Variants in PPM1L observed in about 807,000 individuals in gnomAD.
PPM1L encodes protein phosphatase 1L.
PPM1L carries 13 observed loss-of-function variants against 31.4 expected under a neutral mutation model. The observed-to-expected ratio is 0.41, with a 90% CI of 0.27 to 0.66. The LOEUF is 0.66. PPM1L is among the 30% of genes least tolerant of loss of function. The pLI is 0.29. For missense variants in PPM1L, 326 were observed against 453.7 expected, an observed-to-expected ratio of 0.72 and a Z score of 2.56; for synonymous variants, 184 against 175.4, an observed-to-expected ratio of 1.05 and a Z score of -0.39.
intron 1 of PPM1L, among the ~76,000 whole-genome samples, chr3:160,960,404 C>T (rs901593894): frequency 2.0e-5 from 3 of 151,952 alleles, no homozygotes; most frequent in African/African-American, 4.8e-5. Context: ...TTGTAATATA[C>T]GACACCTTAC....
chr3:160,906,997 C>A (rs1411435741), intron 1 of PPM1L, among the ~76,000 whole-genome samples: 1 of 152,156 alleles, frequency 6.6e-6, no homozygotes, highest in African/African-American at 2.4e-5. Context: ...TTTATCCATG[C>A]TTTATTTGTT....
intron 1 of PPM1L, among the ~76,000 whole-genome samples, chr3:160,874,586 C>T (rs1280915774): frequency 2.0e-5 from 3 of 152,176 alleles, no homozygotes; most frequent in Non-Finnish European, 4.4e-5. Flanking sequence ...ATATCCTATC[C>T]TATATGCTCT....
intron 1 of PPM1L, among the ~76,000 whole-genome samples, chr3:160,758,444 G>T (rs1378658): frequency 0.38 from 57,741 of 151,828 alleles, 11,849 homozygotes; most frequent in East Asian, 0.6. Flanking sequence ...ATTGGTGGCT[G>T]GTGATAATCT....
intron 1 of PPM1L, among the ~76,000 whole-genome samples, chr3:160,930,344 G>T (rs898211780): frequency 1.3e-5 from 2 of 152,096 alleles, no homozygotes; most frequent in African/African-American, 4.8e-5. Flanking sequence ...AGACATACAA[G>T]GACTGAATGA....
chr3:160,840,719 G>C (rs888600566), intron 1 of PPM1L, among the ~76,000 whole-genome samples: 3 of 144,002 alleles, frequency 2.1e-5, no homozygotes, highest in African/African-American at 8.0e-5. Context: ...TATCTCCAGG[G>C]GAGAGAGAGA....
chr3:160,814,962 A>G (rs1374024332), intron 1 of PPM1L, among the ~76,000 whole-genome samples: 1 of 152,056 alleles, frequency 6.6e-6, no homozygotes, highest in East Asian at 1.9e-4. Flanking sequence ...TGAGGATGCA[A>G]AGGCATAAGA....
At chr3:161,008,265 C>G (rs1358940751) in intron 2 of PPM1L, among the ~76,000 whole-genome samples, 1 of 152,242 alleles carries the variant, frequency 6.6e-6, no homozygotes, top group African/African-American at 2.4e-5. Context: ...GGCCCTGCCC[C>G]ATACCCAGGA....
At chr3:160,828,813 C>T (rs1713430407) in intron 1 of PPM1L, among the ~76,000 whole-genome samples, 1 of 152,042 alleles carries the variant, frequency 6.6e-6, no homozygotes, top group African/African-American at 2.4e-5. Flanking sequence ...AAAGCTAAAC[C>T]AGAGCAAAAC....
At chr3:160,945,046 ATTATATATAACTATATATAACATG>A (rs150729506) in intron 1 of PPM1L, among the ~76,000 whole-genome samples, 126 of 10,868 alleles carry the variant, frequency 0.012, 6 homozygotes, top group Admixed American at 0.063. Flanking sequence ...TAACATATAT[ATTATATATAACTATATATAACATG>A]TTATATATAA....
chr3:160,920,619 ACACACACACACACACACACT>A (rs1559887850), intron 1 of PPM1L, among the ~76,000 whole-genome samples: 129 of 40,456 alleles, frequency 3.2e-3, no homozygotes, highest in African/African-American at 6.9e-3. Flanking sequence ...TCTCTCTCAC[ACACACACACACACACACACT>A]CACACACACA....
intron 1 of PPM1L, among the ~76,000 whole-genome samples, chr3:160,953,426 A>G (rs1431662653): frequency 6.6e-6 from 1 of 152,230 alleles, no homozygotes; most frequent in Non-Finnish European, 1.5e-5. Context: ...GTGATGAGGC[A>G]TATTTTCATA....
chr3:160,870,280 G>A (rs183575873), intron 1 of PPM1L, among the ~76,000 whole-genome samples: 1 of 152,302 alleles, frequency 6.6e-6, no homozygotes, highest in Admixed American at 6.5e-5. Context: ...AAGAGTTAAT[G>A]TTGGTTGAAG....
chr3:160,924,852 T>G (rs1714533068), intron 1 of PPM1L, among the ~76,000 whole-genome samples: 1 of 152,222 alleles, frequency 6.6e-6, no homozygotes, highest in Non-Finnish European at 1.5e-5. Flanking sequence ...CAAGCTAAAT[T>G]CTGACTTATA....
chr3:161,057,232 C>T (rs1719438844), intron 2 of PPM1L, among the ~76,000 whole-genome samples: 1 of 152,086 alleles, frequency 6.6e-6, no homozygotes, highest in South Asian at 2.1e-4. Context: ...ACATTACCCT[C>T]AGCTGCTACA....
chr3:160,864,136 G>T (rs1301813583), intron 1 of PPM1L, among the ~76,000 whole-genome samples: 1 of 151,982 alleles, frequency 6.6e-6, no homozygotes, highest in Non-Finnish European at 1.5e-5. Context: ...GTCCCAAAAA[G>T]GTCTTAGAAC....
At chr3:160,904,473 T>G (rs529792076) in intron 1 of PPM1L, among the ~76,000 whole-genome samples, 1 of 152,300 alleles carries the variant, frequency 6.6e-6, no homozygotes, top group South Asian at 2.1e-4. Context: ...TTGATTGCTG[T>G]ATATGTTTCT....
At chr3:160,800,402 C>A (rs1712387562) in intron 1 of PPM1L, among the ~76,000 whole-genome samples, 1 of 151,846 alleles carries the variant, frequency 6.6e-6, no homozygotes, top group Admixed American at 6.6e-5. Context: ...TACTTTTTTC[C>A]CCAAATCCCC....
At chr3:160,949,879 TA>T (rs946293295) in intron 1 of PPM1L, among the ~76,000 whole-genome samples, 1 of 152,218 alleles carries the variant, frequency 6.6e-6, no homozygotes, top group African/African-American at 2.4e-5. Context: ...TGATGATTCC[TA>T]TTTGTACAGA....
At chr3:160,960,260 G>A (rs1045031990) in intron 1 of PPM1L, among the ~76,000 whole-genome samples, 6 of 152,036 alleles carry the variant, frequency 3.9e-5, no homozygotes, top group Admixed American at 6.6e-5. Flanking sequence ...ACATATTTAT[G>A]AGGTACAGTT....
Sources: allele counts gnomAD v4.1 joint callset (sites outside exome capture counted in the v4.1 genomes callset), GRCh38; gene constraint gnomAD v4.1.1; transcripts MANE v1.5; gene names NCBI Gene and HGNC (gene_info 2026-07-23, HGNC 2026-07-21).